The following ATP1B1 variants were observed in gnomAD, a reference collection of about 807,000 sequenced individuals.
ATP1B1 encodes ATPase Na+/K+ transporting subunit beta 1, also known as sodium/potassium-transporting ATPase subunit beta-1.
A neutral mutation model predicts 39.6 loss-of-function variants in ATP1B1; 3 were observed. The observed-to-expected ratio is 0.08, with a 90% CI of 0.03 to 0.20. The LOEUF (loss-of-function observed/expected upper bound fraction) is 0.20, where lower values mean the gene tolerates loss of function less well. Among genes scored for constraint, ATP1B1 ranks in the 10% least tolerant of loss-of-function variants. The probability of loss-of-function intolerance (pLI) is 1.00; values close to 1 mark genes in which losing one functional copy is unlikely to be tolerated. For synonymous variants in ATP1B1, 139 were observed against 135.0 expected (o/e 1.03, Z -0.20); for missense variants, 216 against 371.1 (o/e 0.58, Z 3.43).
Position 169,131,176 on chromosome 1 carries a change from T to A in ATP1B1, c.649-116T>A, listed in dbSNP as rs1658211692. The A allele has an allele frequency of 3.9e-6, 5 of 1,283,970 alleles. No homozygotes were observed. In the African/African-American group the frequency reaches 7.4e-5, roughly 19 times the overall value. The allele number at this position is 1,283,970 out of a possible 1,614,324, so 79.5% of individuals were successfully genotyped here. ...GCTGCAATGGAATAGACTGAGTAGATGTTCTTTCCTCTCTCAGTAGTTTGC... is the reference window on the plus strand; with the variant it reads ...GCTGCAATGGAATAGACTGAGTAGAAGTTCTTTCCTCTCTCAGTAGTTTGC... On this transcript the variant is annotated intron_variant, in intron 5 of 5. Coordinates refer to ENST00000367815, the MANE Select transcript of ATP1B1 (RefSeq NM_001677.4). The surrounding 1 kb of genome is among the most constrained non-coding windows in gnomAD (Gnocchi z 4.4).
intron 4 of ATP1B1, among the ~76,000 whole-genome samples, chr1:169,129,388 C>G (rs1658157279): frequency 6.6e-6 from 1 of 152,212 alleles, no homozygotes; most frequent in Non-Finnish European, 1.5e-5. Context: ...AGACTGTCCT[C>G]TGGGTCCCTT....
chr1:169,112,434 A>T (rs1452555612), intron 2 of ATP1B1, among the ~76,000 whole-genome samples: 1 of 152,230 alleles, frequency 6.6e-6, no homozygotes, highest in Admixed American at 6.5e-5. Context: ...CCGGGCTCTC[A>T]CTTACGAATG....
rs149087879 is a variant in ATP1B1 at position 169,128,846 on chromosome 1, G to A, written c.568-1164G>A. On this transcript the variant is annotated intron_variant, in intron 4 of 5. Coordinates refer to ENST00000367815, the MANE Select transcript of ATP1B1 (RefSeq NM_001677.4). ...TCTTCCCACATCTTTAGAGTTACTT[G>A]GTTCAGTGATAAATTCAGCTACTCT... Among the ~76,000 whole-genome samples, 9 of 152,210 alleles carry A rather than the reference G, an allele frequency of 5.9e-5. No individual in the cohort carries two copies. The East Asian group carries it at 1.7e-3, about 29-fold the overall frequency.
Position 169,119,930 on chromosome 1 carries a change from G to A in ATP1B1, c.227-4954G>A, listed in dbSNP as rs148617261. Among the ~76,000 whole-genome samples the A allele has an allele frequency of 2.1e-3, 325 of 151,958 alleles. 4 individuals are homozygous for A. Among genetic ancestry groups the A allele is most frequent in the Admixed American group, 3.6e-3 (55 of 15,232 alleles). ...AAAGGATTTGGACATCCTTTCAAAG[G>A]TCTTTCATCTTTCTCTTGTGAGTAT... is the stretch of plus-strand genomic sequence containing the variant. On this transcript the variant is annotated intron_variant, in intron 2 of 5. Transcript: ENST00000367815.
intron 2 of ATP1B1, among the ~76,000 whole-genome samples, chr1:169,120,609 G>T (rs1657958481): frequency 6.6e-6 from 1 of 152,170 alleles, no homozygotes; most frequent in African/African-American, 2.4e-5. Context: ...TTCACCCCTT[G>T]CTTTCTTGGT....
intron 4 of ATP1B1, among the ~76,000 whole-genome samples, chr1:169,127,649 G>C (rs1055834721): frequency 9.9e-5 from 15 of 152,074 alleles, no homozygotes; most frequent in African/African-American, 3.4e-4. Context: ...AAGTGAGTCT[G>C]TGGCCCTTTT....
At position 169,131,171 on chromosome 1, in the gene ATP1B1, G is replaced by A. The variant is rs1407052051; in HGVS notation, c.649-121G>A. The A allele has an allele frequency of 2.4e-6, 3 of 1,262,200 alleles. No individual in the cohort carries two copies. Among genetic ancestry groups the A allele is most frequent in the Non-Finnish European group, 3.3e-6 (3 of 900,064 alleles). The allele number at this position is 1,262,200 out of a possible 1,614,324, so 78.2% of individuals were successfully genotyped here. ...TCAAGGCTGCAATGGAATAGACTGAGTAGATGTTCTTTCCTCTCTCAGTAG... is the reference window on the plus strand; with the variant it reads ...TCAAGGCTGCAATGGAATAGACTGAATAGATGTTCTTTCCTCTCTCAGTAG... On this transcript the variant is annotated intron_variant, in intron 5 of 5. Transcript: ENST00000367815. The surrounding 1 kb of genome is among the most constrained non-coding windows in gnomAD (Gnocchi z 4.4).
chr1:169,118,142 A>G (rs1332829661), intron 2 of ATP1B1, among the ~76,000 whole-genome samples: 2 of 152,256 alleles, frequency 1.3e-5, no homozygotes, highest in East Asian at 1.9e-4. Flanking sequence ...ATTTTTAAAG[A>G]TAGGTCAACT....
At chr1:169,118,907 A>C (rs561202015) in intron 2 of ATP1B1, among the ~76,000 whole-genome samples, 1 of 152,338 alleles carries the variant, frequency 6.6e-6, no homozygotes, top group East Asian at 1.9e-4. Flanking sequence ...CAGATGTATT[A>C]AATGACAGGT....
At chr1:169,130,151 TG>T in intron 5 of ATP1B1, 61 bp downstream of exon 5, 1 of 1,388,604 alleles carries the variant, frequency 7.2e-7, no homozygotes, top group Non-Finnish European at 1.0e-6. Context: ...GAGGGGAGAA[TG>T]AAGAAGACTG....
Position 169,127,211 on chromosome 1 carries a change from T to G in ATP1B1, c.383-13T>G. 6.4e-7 allele frequency: 1 copy of G among 1,559,146 alleles called. No individual in the cohort carries two copies. ...TTGCTGGTACAATATAAAAGTTGTG[T>G]TTTTATTTTTAGATGTGCCCAGTGA... On this transcript the variant is annotated splice_polypyrimidine_tract_variant and intron_variant, in intron 3 of 5. Transcript: ENST00000367815.
chr1:169,132,511 A>G lies in ATP1B1; in HGVS notation c.*956A>G. ...TTTTCTGCAAGAAAAAGTGTAATGTATGAAATAAACCAAAGTCACTTGTTT... is the reference window on the plus strand; with the variant it reads ...TTTTCTGCAAGAAAAAGTGTAATGTGTGAAATAAACCAAAGTCACTTGTTT... On this transcript the variant is annotated 3_prime_UTR_variant, in exon 6 of 6. Transcript: ENST00000367815. The G allele has an allele frequency of 2.3e-6, 1 of 435,032 alleles. No individual in the cohort carries two copies. The highest frequency in any genetic ancestry group is 4.0e-6 in the Non-Finnish European group (1 of 248,056). The allele number at this position is 435,032 out of a possible 1,614,324, so 26.9% of individuals were successfully genotyped here. A position where few individuals can be genotyped will look rare whatever the true frequency, so the allele number is the denominator to read the frequency against.
Position 169,131,671 on chromosome 1 carries a change from A to G in ATP1B1, c.*116A>G, listed in dbSNP as rs1658224025. On this transcript the variant is annotated 3_prime_UTR_variant, in exon 6 of 6. Coordinates refer to ENST00000367815, the MANE Select transcript of ATP1B1 (RefSeq NM_001677.4). The surrounding 1 kb of genome is among the most constrained non-coding windows in gnomAD (Gnocchi z 4.4). ...CGTATGGGACCTACACTTAATCTAT[A>G]TGCTTTACACTAGCTTTCTGCATTT... 4.2e-6 allele frequency: 5 copies of G among 1,191,748 alleles called. No homozygotes were observed. Among genetic ancestry groups the G allele is most frequent in the South Asian group, 3.2e-5 (2 of 62,276 alleles). 73.8% of individuals were successfully genotyped at this position (1,191,748 alleles called of 1,614,324 possible).
chr1:169,111,697 C>A (rs182036357), intron 2 of ATP1B1, among the ~76,000 whole-genome samples, 199 bp downstream of exon 2: 19 of 152,328 alleles, frequency 1.2e-4, no homozygotes, highest in African/African-American at 4.6e-4. Flanking sequence ...TTGCAGACAT[C>A]TTATTTGCCC....
intron 1 of ATP1B1, 87 bp downstream of exon 1, chr1:169,107,013 G>A (rs1240240130): frequency 6.2e-6 from 8 of 1,289,992 alleles, no homozygotes; most frequent in Non-Finnish European, 8.5e-6. Flanking sequence ...GGCCGGTTCC[G>A]CACCCACCGC....
intron 2 of ATP1B1, among the ~76,000 whole-genome samples, chr1:169,120,296 C>G (rs1221403803): frequency 6.6e-6 from 1 of 152,082 alleles, no homozygotes; most frequent in Non-Finnish European, 1.5e-5. Flanking sequence ...TAAACCCAGA[C>G]CATCTGTTTT....
Position 169,131,932 on chromosome 1 carries a change from G to T in ATP1B1, c.*377G>T, listed in dbSNP as rs754889439. ...ATACTCTGGTCATTTTTCAAGCCAT[G>T]TTTTATTGTATCTGTTTTCTACTTT... On this transcript the variant is annotated 3_prime_UTR_variant, in exon 6 of 6. Coordinates refer to ENST00000367815, the MANE Select transcript of ATP1B1 (RefSeq NM_001677.4). This position sits in a 1 kb window ranked among gnomAD's most constrained non-coding sequence, Gnocchi z 4.4. The T allele has an allele frequency of 4.4e-5, 14 of 316,050 alleles. No individual in the cohort carries two copies. The highest frequency in any genetic ancestry group is 7.1e-5 in the Non-Finnish European group (12 of 170,190). 19.6% of individuals were successfully genotyped at this position (316,050 alleles called of 1,614,324 possible). A position where few individuals can be genotyped will look rare whatever the true frequency, so the allele number is the denominator to read the frequency against.
intron 2 of ATP1B1, among the ~76,000 whole-genome samples, chr1:169,117,381 T>A (rs1657873972): frequency 6.6e-6 from 1 of 152,254 alleles, no homozygotes; most frequent in Non-Finnish European, 1.5e-5. Context: ...GTGATTTCTT[T>A]ATTTCTAAAG....
At chr1:169,120,995 T>C (rs1657970889) in intron 2 of ATP1B1, among the ~76,000 whole-genome samples, 1 of 128,734 alleles carries the variant, frequency 7.8e-6, no homozygotes, top group African/African-American at 3.3e-5. Context: ...TTGCCCAGGC[T>C]GGAGTGCAGT....
Sources: allele counts gnomAD v4.1 joint callset (sites outside exome capture counted in the v4.1 genomes callset), GRCh38; gene constraint gnomAD v4.1.1; non-coding constraint Gnocchi (gnomAD v3.1); transcripts MANE v1.5; gene names NCBI Gene and HGNC (gene_info 2026-07-23, HGNC 2026-07-21).